ADGRL3: variants seen among roughly 807,000 people sequenced by gnomAD.
The protein encoded by ADGRL3 is calcium-independent alpha-latrotoxin receptor 3.
A neutral mutation model predicts 153.5 loss-of-function variants in ADGRL3; 62 were observed. The observed-to-expected ratio is 0.40, with a 90% CI of 0.33 to 0.50. ADGRL3 has a LOEUF of 0.50. ADGRL3 is among the 20% of genes least tolerant of loss of function. ADGRL3 has a pLI of 0.47. For synonymous variants in ADGRL3, 710 were observed against 672.5 expected (o/e 1.06, Z -0.86); for missense variants, 1,641 against 1,859.4 (o/e 0.88, Z 2.16).
chr4:62,046,131 A>G (rs1249755659), intron 25 of ADGRL3, among the ~76,000 whole-genome samples: 1 of 151,932 alleles, frequency 6.6e-6, no homozygotes, highest in African/African-American at 2.4e-5. Context: ...GTTCCAAGAA[A>G]GAGAACTGTC....
intron 6 of ADGRL3, among the ~76,000 whole-genome samples, chr4:61,686,043 G>A (rs2095436506): frequency 6.6e-6 from 1 of 151,884 alleles, no homozygotes; most frequent in Non-Finnish European, 1.5e-5. Flanking sequence ...AAAATATTTG[G>A]TTTAGGAAGT....
intron 1 of ADGRL3, among the ~76,000 whole-genome samples, chr4:61,355,004 T>C (rs1166116693): frequency 6.6e-6 from 1 of 152,128 alleles, no homozygotes; most frequent in Non-Finnish European, 1.5e-5. Flanking sequence ...TTGTCCTTGG[T>C]CCTTTACTGA....
chr4:61,602,029 T>G (rs2099014186), intron 5 of ADGRL3, among the ~76,000 whole-genome samples: 1 of 151,554 alleles, frequency 6.6e-6, no homozygotes, highest in South Asian at 2.1e-4. Context: ...AAATCTAATT[T>G]AAGATAAATA....
chr4:62,016,597 A>C (rs1193000438), intron 21 of ADGRL3, among the ~76,000 whole-genome samples: 1 of 152,128 alleles, frequency 6.6e-6, no homozygotes, highest in African/African-American at 2.4e-5. Flanking sequence ...GTATTACTAG[A>C]ACTTGCTTAA....
At chr4:61,616,721 G>T (rs1263922383) in intron 5 of ADGRL3, among the ~76,000 whole-genome samples, 1 of 152,116 alleles carries the variant, frequency 6.6e-6, no homozygotes, top group African/African-American at 2.4e-5. Context: ...TATTCCTCAT[G>T]CTATATGATG....
chr4:61,744,176 G>T (rs997531647), intron 8 of ADGRL3, among the ~76,000 whole-genome samples: 13 of 152,162 alleles, frequency 8.5e-5, no homozygotes, highest in African/African-American at 3.1e-4. Context: ...ACCCACCATT[G>T]CCCAGGCTAG....
At chr4:61,801,535 T>G (rs1306124647) in intron 8 of ADGRL3, among the ~76,000 whole-genome samples, 2 of 152,122 alleles carry the variant, frequency 1.3e-5, no homozygotes, top group Non-Finnish European at 2.9e-5. Context: ...TCCACATTGC[T>G]TCTTTGAAAC....
chr4:61,574,612 G>A (rs1362660586), intron 4 of ADGRL3, among the ~76,000 whole-genome samples: 1 of 151,776 alleles, frequency 6.6e-6, no homozygotes, highest in Non-Finnish European at 1.5e-5. Flanking sequence ...GAAAATAGAT[G>A]ATCAGAATGA....
chr4:61,270,618 G>A (rs778224941), intron 1 of ADGRL3, among the ~76,000 whole-genome samples: 40 of 151,700 alleles, frequency 2.6e-4, no homozygotes, highest in Non-Finnish European at 4.6e-4. Context: ...ATAAAATGCC[G>A]AGGCAGGAAA....
At chr4:62,029,815 A>G (rs1295908058) in intron 22 of ADGRL3, among the ~76,000 whole-genome samples, 1 of 149,512 alleles carries the variant, frequency 6.7e-6, no homozygotes, top group African/African-American at 2.5e-5. Context: ...ATTTGATCCT[A>G]TTATTTTGTT....
At chr4:61,973,403 C>CA (rs1274490689) in intron 17 of ADGRL3, among the ~76,000 whole-genome samples, 1 of 151,730 alleles carries the variant, frequency 6.6e-6, no homozygotes, top group Non-Finnish European at 1.5e-5. Flanking sequence ...GTGACAAAGA[C>CA]AAAGCAGATT....
intron 9 of ADGRL3, among the ~76,000 whole-genome samples, chr4:61,850,492 T>G (rs6551661): frequency 6.6e-6 from 1 of 152,054 alleles, no homozygotes; most frequent in Non-Finnish European, 1.5e-5. Flanking sequence ...AATGACAAAT[T>G]TAACTTGAGT....
At chr4:61,508,125 G>A (rs1242672248) in intron 3 of ADGRL3, among the ~76,000 whole-genome samples, 5 of 151,912 alleles carry the variant, frequency 3.3e-5, no homozygotes, top group African/African-American at 9.7e-5. Context: ...AATCCTTTTT[G>A]TCAGGAGCCA....
intron 1 of ADGRL3, among the ~76,000 whole-genome samples, chr4:61,372,389 G>T (rs1206309354): frequency 1.3e-5 from 2 of 151,836 alleles, no homozygotes; most frequent in Non-Finnish European, 2.9e-5. Context: ...TGATGATGGT[G>T]ATGTACAGAT....
intron 17 of ADGRL3, among the ~76,000 whole-genome samples, chr4:61,954,353 C>T (rs972155215): frequency 3.3e-5 from 5 of 151,964 alleles, no homozygotes; most frequent in African/African-American, 9.7e-5. Flanking sequence ...ATCATCTCCC[C>T]TCTGCTTGTT....
At chr4:62,014,205 G>T (rs2099200785) in intron 21 of ADGRL3, among the ~76,000 whole-genome samples, 1 of 152,092 alleles carries the variant, frequency 6.6e-6, no homozygotes, top group African/African-American at 2.4e-5. Context: ...ATCATGATCT[G>T]GTGATGGCAC....
intron 9 of ADGRL3, among the ~76,000 whole-genome samples, chr4:61,839,307 C>T (rs2097988166): frequency 6.6e-6 from 1 of 152,120 alleles, no homozygotes; most frequent in Non-Finnish European, 1.5e-5. Flanking sequence ...CCTCTCACCT[C>T]AGCCTCCTGA....
chr4:61,238,162 A>C (rs1283749961), intron 1 of ADGRL3, among the ~76,000 whole-genome samples: 1 of 152,202 alleles, frequency 6.6e-6, no homozygotes. Context: ...TTGTTCTTAT[A>C]GTACAAGAGC....
chr4:61,349,978 A>T (rs1405026599), intron 1 of ADGRL3, among the ~76,000 whole-genome samples: 1 of 152,208 alleles, frequency 6.6e-6, no homozygotes, highest in Non-Finnish European at 1.5e-5. Context: ...ATACTTATTG[A>T]ATAATCACGC....
Sources: gnomAD v4.1 joint callset for allele counts (sites outside exome capture counted in the v4.1 genomes callset) on GRCh38, gnomAD v4.1.1 for gene constraint, MANE v1.5 for transcripts, NCBI Gene and HGNC (gene_info 2026-07-23, HGNC 2026-07-21) for gene names.